ZNF280D: variants seen among roughly 807,000 people sequenced by gnomAD.
ZNF280D encodes the protein zinc finger protein 280D.
Under a neutral mutation model 94.7 loss-of-function variants are expected in ZNF280D, and 39 were observed. That is an observed-to-expected ratio of 0.41 (90% confidence interval 0.32 to 0.54). ZNF280D has a LOEUF of 0.54. ZNF280D is among the 20% of genes least tolerant of loss of function. The probability of loss-of-function intolerance (pLI) is 0.22; values close to 1 mark genes in which losing one functional copy is unlikely to be tolerated. For synonymous variants in ZNF280D, 398 were observed against 377.6 expected (o/e 1.05, Z -0.63); for missense variants, 1,090 against 1,149.3 (o/e 0.95, Z 0.75).
At chr15:56,687,523 T>C (rs2056109347) in intron 9 of ZNF280D, among the ~76,000 whole-genome samples, 1 of 152,128 alleles carries the variant, frequency 6.6e-6, no homozygotes, top group African/African-American at 2.4e-5. Flanking sequence ...ATTATTTTCT[T>C]TGAGTCATAC....
chr15:56,699,469 C>T (rs945307729), intron 6 of ZNF280D: 84 of 841,026 alleles, frequency 1.0e-4, no homozygotes, highest in Middle Eastern at 6.1e-4. Context: ...TTAATCTATA[C>T]CCAGTTCAAA....
intron 16 of ZNF280D, 118 bp downstream of exon 16, chr15:56,666,277 G>T: frequency 9.9e-7 from 1 of 1,012,476 alleles, no homozygotes; most frequent in Admixed American, 2.8e-5. Context: ...CTTATTGTTA[G>T]ATCCTTTTAG....
chr15:56,697,945 C>T (rs1462945961), intron 6 of ZNF280D: 1 of 152,118 alleles, frequency 6.6e-6, no homozygotes, highest in African/African-American at 2.4e-5. Flanking sequence ...TCTGCTTCTG[C>T]CTTCAGTCTA....
intron 9 of ZNF280D, among the ~76,000 whole-genome samples, chr15:56,687,269 T>C (rs1304929782): frequency 2.0e-5 from 3 of 152,168 alleles, no homozygotes; most frequent in African/African-American, 4.8e-5. Flanking sequence ...ATTTAAAATG[T>C]CATAATGTTC....
In ZNF280D at chr15:56,643,011, TA is replaced by T; in HGVS notation, c.2214-15del. Reference sequence around the variant, plus strand: ...TCTTTTTTTAATCTTGAAAACAAGATAAGTATTGAATATTTTATTTTATATG... The same window carrying T: ...TCTTTTTTTAATCTTGAAAACAAGATAGTATTGAATATTTTATTTTATATG... On this transcript the variant is annotated splice_polypyrimidine_tract_variant and intron_variant, in intron 19 of 21. Coordinates refer to ENST00000267807, the MANE Select transcript of ZNF280D (RefSeq NM_017661.4). 1 of 1,468,964 alleles carries T rather than the reference TA, an allele frequency of 6.8e-7. No individual in the cohort carries two copies. Among genetic ancestry groups the T allele is most frequent in the Non-Finnish European group, 9.1e-7 (1 of 1,104,566 alleles). 91.0% of individuals were successfully genotyped at this position (1,468,964 alleles called of 1,614,324 possible). A position where few individuals can be genotyped will look rare whatever the true frequency, so the allele number is the denominator to read the frequency against.
At chr15:56,644,492 C>T (rs2052783144) in intron 19 of ZNF280D, among the ~76,000 whole-genome samples, 1 of 152,040 alleles carries the variant, frequency 6.6e-6, no homozygotes, top group Non-Finnish European at 1.5e-5. Context: ...TATTACAACT[C>T]ATTTTTATTT....
At chr15:56,716,580 A>G (rs2058056552) in intron 1 of ZNF280D, among the ~76,000 whole-genome samples, 1 of 152,056 alleles carries the variant, frequency 6.6e-6, no homozygotes, top group Non-Finnish European at 1.5e-5. Flanking sequence ...TAAACAATGA[A>G]GCACCTATGG....
chr15:56,684,824 T>C (rs1192022320), intron 9 of ZNF280D, among the ~76,000 whole-genome samples: 1 of 152,120 alleles, frequency 6.6e-6, no homozygotes, highest in East Asian at 1.9e-4. Flanking sequence ...TATTTTAAAA[T>C]ACAATTCAAA....
chr15:56,712,758 T>C (rs2057835843), intron 1 of ZNF280D, among the ~76,000 whole-genome samples: 1 of 132,424 alleles, frequency 7.6e-6, no homozygotes, highest in African/African-American at 2.7e-5. Flanking sequence ...TTTTTTTTTC[T>C]GAGGTGGAGT....
Position 56,632,059 on chromosome 15 carries a change from G to T in ZNF280D, c.2379C>A (p.Gly793=). The T allele has an allele frequency of 6.2e-7, 1 of 1,606,962 alleles. No homozygotes were observed. Among genetic ancestry groups the T allele is most frequent in the Non-Finnish European group, 8.5e-7 (1 of 1,176,994 alleles). ...TTTCTTCACTTTTTGTTGTTGATGA[G>T]CCTTCAAATGAATTTGCATTACATC... ...KNGCNANSFE[G]SSTTKSEESI... The change falls in exon 22 of 22, where the codon GGC becomes GGA. Residue 793 remains glycine (G), a synonymous_variant. Coordinates refer to ENST00000267807, the MANE Select transcript of ZNF280D (RefSeq NM_017661.4).
intron 1 of ZNF280D, among the ~76,000 whole-genome samples, chr15:56,710,618 T>C (rs1183516962): frequency 1.3e-5 from 2 of 152,144 alleles, no homozygotes; most frequent in African/African-American, 4.8e-5. Context: ...AAATTTTTGG[T>C]TTCAGTTTTT....
intron 13 of ZNF280D, 39 bp downstream of exon 13, chr15:56,676,631 A>C (rs747839858): frequency 6.5e-7 from 1 of 1,534,460 alleles, no homozygotes; most frequent in East Asian, 2.3e-5. Context: ...TTTTTCACTA[A>C]GACAACATAA....
In ZNF280D at chr15:56,728,459, A is replaced by T. The variant is rs1482040920; in HGVS notation, c.-86+4999T>A. ...GTTGCTCATAAATCTGAAATTGAAAAATCTTGCAATTGTGGAGCAAAGAAG... is the reference window on the plus strand; with the variant it reads ...GTTGCTCATAAATCTGAAATTGAAATATCTTGCAATTGTGGAGCAAAGAAG... On this transcript the variant is annotated intron_variant, in intron 1 of 21. Coordinates refer to ENST00000267807, the MANE Select transcript of ZNF280D (RefSeq NM_017661.4). Among the ~76,000 whole-genome samples the T allele has an allele frequency of 2.0e-5, 3 of 152,210 alleles. No individual in the cohort carries two copies. The East Asian group carries it at 5.8e-4, about 29-fold the overall frequency.
intron 20 of ZNF280D, among the ~76,000 whole-genome samples, chr15:56,639,056 T>C (rs958755797): frequency 6.6e-6 from 1 of 151,960 alleles, no homozygotes; most frequent in African/African-American, 2.4e-5. Flanking sequence ...GAAAAAAGTA[T>C]ATATACAATA....
At chr15:56,645,536 T>C (rs918340483) in intron 19 of ZNF280D, among the ~76,000 whole-genome samples, 4 of 152,130 alleles carry the variant, frequency 2.6e-5, no homozygotes, top group African/African-American at 9.7e-5. Flanking sequence ...TTAGGAGCAA[T>C]CCATACAAAA....
chr15:56,706,780 A>C (rs377565864), intron 3 of ZNF280D, among the ~76,000 whole-genome samples: 1 of 152,180 alleles, frequency 6.6e-6, no homozygotes, highest in Non-Finnish European at 1.5e-5. Context: ...AAAAAAATTT[A>C]AGACATAATA....
At chr15:56,712,652 T>C (rs2057827306) in intron 1 of ZNF280D, among the ~76,000 whole-genome samples, 1 of 149,194 alleles carries the variant, frequency 6.7e-6, no homozygotes, top group African/African-American at 2.5e-5. Flanking sequence ...ATTCTACATG[T>C]ATCTTAGTAT....
At chr15:56,730,303 T>C (rs577720240) in intron 1 of ZNF280D, 46 of 152,332 alleles carry the variant, frequency 3.0e-4, no homozygotes, top group African/African-American at 1.1e-3. Context: ...AAAAAACTAT[T>C]CAGGATTTAT....
In ZNF280D at chr15:56,630,832, G is replaced by A. The variant is rs1295697400; in HGVS notation, c.*666C>T. 6.6e-6 allele frequency: 1 copy of A among 152,120 alleles called. No individual in the cohort carries two copies. The highest frequency in any genetic ancestry group is 1.9e-4 in the East Asian group (1 of 5,202). 9.4% of individuals were successfully genotyped at this position (152,120 alleles called of 1,614,324 possible). On this transcript the variant is annotated 3_prime_UTR_variant, in exon 22 of 22. Transcript: ENST00000267807. Reference sequence around the variant, plus strand: ...CCACTTTCACTGAAAGTTTAATTAAGGTAAGCTTACAGCCTGGCAGGCTAA... The same window carrying A: ...CCACTTTCACTGAAAGTTTAATTAAAGTAAGCTTACAGCCTGGCAGGCTAA...
Sources: allele counts gnomAD v4.1 joint callset (sites outside exome capture counted in the v4.1 genomes callset), GRCh38; gene constraint gnomAD v4.1.1; transcripts MANE v1.5; gene names NCBI Gene and HGNC (gene_info 2026-07-23, HGNC 2026-07-21).